The following TIAM2 variants were observed in gnomAD, a reference collection of about 807,000 sequenced individuals.
The protein encoded by TIAM2 is rho guanine nucleotide exchange factor TIAM2.
In TIAM2, 80 loss-of-function variants were observed where a neutral mutation model predicts 152.9. The ratio of observed to expected loss-of-function variants is 0.52; its 90% CI spans 0.44 to 0.63. The LOEUF (loss-of-function observed/expected upper bound fraction) is 0.63, where lower values mean the gene tolerates loss of function less well. Among genes scored for constraint, TIAM2 ranks in the 30% least tolerant of loss-of-function variants. TIAM2 has a pLI of 0.00. For missense variants in TIAM2, 1,965 were observed against 2,120.1 expected, an observed-to-expected ratio of 0.93 and a Z score of 1.44; for synonymous variants, 804 against 838.0, an observed-to-expected ratio of 0.96 and a Z score of 0.70.
chr6:155,102,356 TTTC>T (rs1778570030), intron 2 of TIAM2, among the ~76,000 whole-genome samples: 1 of 152,224 alleles, frequency 6.6e-6, no homozygotes, highest in African/African-American at 2.4e-5. Flanking sequence ...GTTATTTACA[TTTC>T]TTATTTGTGA....
chr6:155,010,376 G>A (rs1778465884), intron 1 of TIAM2, among the ~76,000 whole-genome samples: 2 of 152,234 alleles, frequency 1.3e-5, no homozygotes, highest in Admixed American at 6.5e-5. Context: ...AAGGGTTTGG[G>A]TAACACTGAT....
chr6:154,996,467 G>T (rs566069022), intron 1 of TIAM2, among the ~76,000 whole-genome samples: 1 of 152,218 alleles, frequency 6.6e-6, no homozygotes, highest in East Asian at 1.9e-4. Flanking sequence ...GCGATGAAGG[G>T]CCTGGGATTC....
intron 15 of TIAM2, among the ~76,000 whole-genome samples, chr6:155,212,095 AT>A (rs1248111261): frequency 7.2e-5 from 11 of 152,146 alleles, no homozygotes; most frequent in African/African-American, 2.7e-4. Flanking sequence ...GATACACCAC[AT>A]TTTGTTTATT....
intron 1 of TIAM2, among the ~76,000 whole-genome samples, chr6:155,065,397 A>T (rs1172039398): frequency 6.6e-6 from 1 of 152,144 alleles, no homozygotes; most frequent in Non-Finnish European, 1.5e-5. Flanking sequence ...AAGAAAAATA[A>T]CTGTTTTTCT....
At chr6:155,144,861 T>A in intron 6 of TIAM2, 83 bp downstream of exon 6, 1 of 1,428,730 alleles carries the variant, frequency 7.0e-7, no homozygotes, top group Non-Finnish European at 9.4e-7. Flanking sequence ...AACTTGGAAA[T>A]GAAATTGAAT....
At chr6:155,219,505 C>T (rs371179350) in intron 15 of TIAM2, among the ~76,000 whole-genome samples, 30 of 152,352 alleles carry the variant, frequency 2.0e-4, no homozygotes, top group East Asian at 5.8e-4. Context: ...GCCTCTCTAA[C>T]GCCACACTTC....
intron 1 of TIAM2, among the ~76,000 whole-genome samples, chr6:155,033,174 G>T (rs928364923): frequency 6.6e-6 from 1 of 152,150 alleles, no homozygotes; most frequent in African/African-American, 2.4e-5. Flanking sequence ...TGTATTCACT[G>T]CAGCCATGAC....
intron 2 of TIAM2, among the ~76,000 whole-genome samples, chr6:155,126,810 T>C (rs1046788607): frequency 7.4e-6 from 1 of 134,676 alleles, no homozygotes; most frequent in African/African-American, 3.1e-5. Context: ...CAAATAAACT[T>C]TTTTTTTTTT....
rs762896151 is a variant in TIAM2 at position 155,252,968 on chromosome 6, A to C, written c.4140A>C (p.Ala1380=). The change falls in exon 24 of 27, where the codon GCA becomes GCC. Residue 1380 remains alanine, a synonymous_variant. Coordinates refer to ENST00000682666, the MANE Select transcript of TIAM2 (RefSeq NM_012454.4). ...KKKLPSNSRP[A]HNSTDLDPFK... ...TACAGCCCTCGAATTCCCGGCCTGC[A>C]CACAACTCTACTGACTTGGACCCAT... The C allele has an allele frequency of 6.2e-7, 1 of 1,614,108 alleles. No homozygotes were observed. Among genetic ancestry groups the C allele is most frequent in the Admixed American group, 1.7e-5 (1 of 60,016 alleles).
intron 1 of TIAM2, among the ~76,000 whole-genome samples, chr6:155,027,311 C>T (rs1482461970): frequency 1.3e-5 from 2 of 148,882 alleles, no homozygotes; most frequent in Non-Finnish European, 3.0e-5. Context: ...CAGGCATGAG[C>T]CATCGCACCT....
chr6:155,182,181 T>C, intron 12 of TIAM2, 45 bp from the exon 13 acceptor site: 1 of 1,506,126 alleles, frequency 6.6e-7, no homozygotes, highest in Non-Finnish European at 9.2e-7. Flanking sequence ...AGAAATTCAG[T>C]GTGGTGGGCT....
At position 155,207,505 on chromosome 6, in the gene TIAM2, G is replaced by A. The variant is rs185485189; in HGVS notation, c.3065-3699G>A. ...GGGGAAACTTGGGCAGTAGAACACCGCTGAGATTTCCTGTCTTGGCGGATC... is the reference window on the plus strand; with the variant it reads ...GGGGAAACTTGGGCAGTAGAACACCACTGAGATTTCCTGTCTTGGCGGATC... On this transcript the variant is annotated intron_variant, in intron 14 of 26. Coordinates refer to ENST00000682666, the MANE Select transcript of TIAM2 (RefSeq NM_012454.4). Among the ~76,000 whole-genome samples, 17 of 152,314 alleles carry A rather than the reference G, an allele frequency of 1.1e-4. No individual in the cohort carries two copies. In the East Asian group the frequency reaches 3.3e-3, roughly 29 times the overall value.
At chr6:155,143,948 A>T (rs1184485157) in intron 5 of TIAM2, among the ~76,000 whole-genome samples, 1 of 152,164 alleles carries the variant, frequency 6.6e-6, no homozygotes, top group Non-Finnish European at 1.5e-5. Flanking sequence ...CAGGAGCTAC[A>T]GATAAAAGGT....
intron 1 of TIAM2, among the ~76,000 whole-genome samples, chr6:155,054,506 T>C (rs1386526411): frequency 6.6e-6 from 1 of 152,148 alleles, no homozygotes; most frequent in Non-Finnish European, 1.5e-5. Flanking sequence ...GGAAATTATT[T>C]GGTAGAGGCA....
intron 7 of TIAM2, among the ~76,000 whole-genome samples, chr6:155,159,436 A>G (rs1012649238): frequency 6.6e-6 from 1 of 152,090 alleles, no homozygotes. Context: ...TGTCCCCTAC[A>G]TGTTGTTCAC....
chr6:155,099,903 C>A (rs1433148350), intron 2 of TIAM2, among the ~76,000 whole-genome samples: 1 of 152,198 alleles, frequency 6.6e-6, no homozygotes, highest in African/African-American at 2.4e-5. Context: ...AGGCTGCAAA[C>A]CTGTATGGCA....
chr6:155,241,219 C>T (rs1017663994), intron 16 of TIAM2, among the ~76,000 whole-genome samples: 1 of 152,148 alleles, frequency 6.6e-6, no homozygotes, highest in Non-Finnish European at 1.5e-5. Flanking sequence ...GGGCAGTTGC[C>T]GAGTATCTTG....
In TIAM2 at chr6:155,031,944, T is replaced by G. The variant is rs949381789; in HGVS notation, c.-209+36452T>G. On this transcript the variant is annotated intron_variant, in intron 1 of 26. Transcript: ENST00000682666. The stretch of plus-strand genomic sequence containing the variant: ...ATTTGAGGTATCTATGAAAGCTATT[T>G]TAATTCGTATTTTGAAGATGTATAT... 2.9e-4 allele frequency among the ~76,000 whole-genome samples: 44 copies of G among 152,176 alleles called. 1 individual carries two copies.
intron 1 of TIAM2, among the ~76,000 whole-genome samples, chr6:155,041,416 G>A (rs1340933503): frequency 6.6e-6 from 1 of 152,136 alleles, no homozygotes; most frequent in Non-Finnish European, 1.5e-5. Context: ...ATTTCCATGG[G>A]TTTGAGTTTT....
Sources: allele counts gnomAD v4.1 joint callset (sites outside exome capture counted in the v4.1 genomes callset), GRCh38; gene constraint gnomAD v4.1.1; transcripts MANE v1.5; gene names NCBI Gene and HGNC (gene_info 2026-07-23, HGNC 2026-07-21).